INHBC: variants seen among roughly 807,000 people sequenced by gnomAD.
INHBC encodes inhibin subunit beta C.
Under a neutral mutation model 12.4 loss-of-function variants are expected in INHBC, and 10 were observed. That is an observed-to-expected ratio of 0.81 (90% CI 0.50 to 1.37). The LOEUF (loss-of-function observed/expected upper bound fraction) is 1.37. INHBC is among the 40% of genes most tolerant of loss of function. The pLI is 0.00. For missense variants in INHBC, 382 were observed against 439.4 expected, an observed-to-expected ratio of 0.87 and a Z score of 1.17; for synonymous variants, 147 against 171.6, an observed-to-expected ratio of 0.86 and a Z score of 1.12.
In INHBC at chr12:57,434,890, ACCT is replaced by A. The variant is rs773839607; in HGVS notation, c.9_11del (p.Ser4del). The A allele has an allele frequency of 1.1e-5, 17 of 1,609,242 alleles. No individual in the cohort carries two copies. The Admixed American group carries it at 1.7e-4, about 16-fold the overall frequency. ...TCAAGAAGGGCCTTCCCCAGCAATG[ACCT>A]CCTCATTGCTTCTGGCCTTTCTCCT... On this transcript the variant is annotated inframe_deletion, in exon 1 of 2. Transcript: ENST00000309668.
intron 1 of INHBC, among the ~76,000 whole-genome samples, chr12:57,444,168 A>G (rs1205928297): frequency 2.0e-5 from 3 of 152,304 alleles, no homozygotes; most frequent in East Asian, 3.9e-4. Flanking sequence ...TACAGGCACA[A>G]CCGCTGTTTT....
At chr12:57,448,958 A>G (rs1870645915) in intron 1 of INHBC, among the ~76,000 whole-genome samples, 1 of 152,184 alleles carries the variant, frequency 6.6e-6, no homozygotes, top group African/African-American at 2.4e-5. Context: ...TTGCTGTGTT[A>G]TTCCATGGCA....
chr12:57,442,951 A>G (rs932360446), intron 1 of INHBC, among the ~76,000 whole-genome samples: 6 of 148,964 alleles, frequency 4.0e-5, no homozygotes, highest in African/African-American at 1.5e-4. Flanking sequence ...AGATTGCGCC[A>G]CTGCGCTCCA....
chr12:57,436,197 C>T (rs1870333511), intron 1 of INHBC, among the ~76,000 whole-genome samples: 1 of 144,286 alleles, frequency 6.9e-6, no homozygotes, highest in East Asian at 2.0e-4. Context: ...AAGAGTCTCA[C>T]TCTGTCACCC....
At chr12:57,441,774 A>G (rs1447594793) in intron 1 of INHBC, among the ~76,000 whole-genome samples, 1 of 151,206 alleles carries the variant, frequency 6.6e-6, no homozygotes, top group African/African-American at 2.4e-5. Flanking sequence ...CTCCATCTCC[A>G]GGGTTCAAGA....
At chr12:57,435,305 C>A in intron 1 of INHBC, 106 bp downstream of exon 1, 2 of 1,061,370 alleles carry the variant, frequency 1.9e-6, no homozygotes, top group Non-Finnish European at 2.7e-6. Context: ...ACCATCCAAC[C>A]CCTGCTTCCC....
chr12:57,445,021 C>T (rs551343763), intron 1 of INHBC, among the ~76,000 whole-genome samples: 1 of 152,228 alleles, frequency 6.6e-6, no homozygotes, highest in South Asian at 2.1e-4. Flanking sequence ...AGCCTGAAGC[C>T]TCTCTGAGGA....
At position 57,443,537 on chromosome 12, in the gene INHBC, G is replaced by A. The variant is rs1014243560; in HGVS notation, c.314-5740G>A. Among the ~76,000 whole-genome samples the A allele has an allele frequency of 2.0e-5, 3 of 152,004 alleles. No individual in the cohort carries two copies. In the East Asian group the frequency reaches 5.8e-4, roughly 29 times the overall value. ...GACCTCAGGTGATCCACCCACCTTG[G>A]CCTCCCAAAGTGCTGGGATTACAGG... On this transcript the variant is annotated intron_variant, in intron 1 of 1. Coordinates refer to ENST00000309668, the MANE Select transcript of INHBC (RefSeq NM_005538.4).
At position 57,434,926 on chromosome 12, in the gene INHBC, C is replaced by T. The variant is rs1870297556; in HGVS notation, c.40C>T (p.Pro14Ser). Residue 14 changes from proline (P) to serine (S), a missense_variant, in exon 1 of 2, where the codon CCA (proline) becomes TCA (serine). Coordinates refer to ENST00000309668, the MANE Select transcript of INHBC (RefSeq NM_005538.4). ...SLLLAFLLLA[P>S]TTVATPRAGG... ...GCTTCTGGCCTTTCTCCTCCTGGCT[C>T]CAACCACAGTGGCCACTCCCAGAGC... 5 of 1,614,000 alleles carry T rather than the reference C, an allele frequency of 3.1e-6. No homozygotes were observed. Among genetic ancestry groups the T allele is most frequent in the Middle Eastern group, 1.7e-4 (1 of 6,060 alleles).
chr12:57,445,715 C>T (rs960246747), intron 1 of INHBC, among the ~76,000 whole-genome samples: 8 of 142,872 alleles, frequency 5.6e-5, no homozygotes, highest in Non-Finnish European at 1.2e-4. Context: ...ATAGTGAGAC[C>T]CCCCGCCCAT....
At chr12:57,446,476 ATT>A (rs1870580866) in intron 1 of INHBC, among the ~76,000 whole-genome samples, 1 of 147,002 alleles carries the variant, frequency 6.8e-6, no homozygotes, top group Non-Finnish European at 1.5e-5. Context: ...TTATTTATTT[ATT>A]TATTTATTTA....
chr12:57,449,293 C>T lies in INHBC; in HGVS notation c.330C>T (p.Asn110=), dbSNP rs1870653066. ...TGTCCACAGGCCTCTCCACCATCAA[C>T]CAGACTCGTCTTGATTTTCACTTCT... ...SFAETGLSTI[N]QTRLDFHFSS... Residue 110 remains asparagine (N), a synonymous_variant, in exon 2 of 2, where the codon AAC becomes AAT. Transcript: ENST00000309668. The T allele has an allele frequency of 3.1e-6, 5 of 1,613,414 alleles. No individual in the cohort carries two copies. The highest frequency in any genetic ancestry group is 4.2e-6 in the Non-Finnish European group (5 of 1,179,526).
At chr12:57,437,091 C>A (rs1174447855) in intron 1 of INHBC, among the ~76,000 whole-genome samples, 2 of 152,118 alleles carry the variant, frequency 1.3e-5, no homozygotes, top group African/African-American at 4.8e-5. Context: ...GCCACCATCC[C>A]CGGGCTAAAA....
intron 1 of INHBC, among the ~76,000 whole-genome samples, chr12:57,440,594 G>A (rs1401649900): frequency 6.6e-6 from 1 of 151,992 alleles, no homozygotes; most frequent in East Asian, 1.9e-4. Context: ...GCCTCCCAAA[G>A]TGCTGGGATT....
Position 57,451,282 on chromosome 12 carries a change from G to T in INHBC, c.*1260G>T, listed in dbSNP as rs1385955630. Reference sequence around the variant, plus strand: ...CATCCAGTAAACTGACCAGCTGTGGGCACGCAAGTGTGGGAGGCAGAGGCA... The same window carrying T: ...CATCCAGTAAACTGACCAGCTGTGGTCACGCAAGTGTGGGAGGCAGAGGCA... On this transcript the variant is annotated 3_prime_UTR_variant, in exon 2 of 2. Coordinates refer to ENST00000309668, the MANE Select transcript of INHBC (RefSeq NM_005538.4). 6.6e-6 allele frequency among the ~76,000 whole-genome samples: 1 copy of T among 152,214 alleles called. No individual in the cohort carries two copies. Among genetic ancestry groups the T allele is most frequent in the East Asian group, 1.9e-4 (1 of 5,192 alleles).
At chr12:57,442,836 C>T (rs1372601860) in intron 1 of INHBC, among the ~76,000 whole-genome samples, 2 of 151,778 alleles carry the variant, frequency 1.3e-5, no homozygotes, top group African/African-American at 4.8e-5. Flanking sequence ...ACTAAAAATA[C>T]AAAAATTAGC....
intron 1 of INHBC, among the ~76,000 whole-genome samples, chr12:57,441,830 C>T (rs531373836): frequency 9.9e-5 from 15 of 152,006 alleles, no homozygotes; most frequent in South Asian, 4.2e-4. Flanking sequence ...TATAGGTGCC[C>T]GCCACCATGC....
intron 1 of INHBC, among the ~76,000 whole-genome samples, chr12:57,437,174 A>C (rs1870361782): frequency 6.6e-6 from 1 of 152,170 alleles, no homozygotes; most frequent in Non-Finnish European, 1.5e-5. Flanking sequence ...CATTGAGCCC[A>C]GGAGTTTGAG....
At chr12:57,448,346 G>A (rs549412146) in intron 1 of INHBC, among the ~76,000 whole-genome samples, 3 of 152,060 alleles carry the variant, frequency 2.0e-5, no homozygotes, top group African/African-American at 7.2e-5. Flanking sequence ...TGAGGTGAGT[G>A]GATCACAAGG....
Sources: allele counts gnomAD v4.1 joint callset (sites outside exome capture counted in the v4.1 genomes callset), GRCh38; gene constraint gnomAD v4.1.1; transcripts MANE v1.5; gene names NCBI Gene and HGNC (gene_info 2026-07-23, HGNC 2026-07-21).